The following AFF1 variants were observed in gnomAD, a reference collection of about 807,000 sequenced individuals.
AFF1 encodes ALF transcription elongation factor 1.
AFF1 carries 48 observed loss-of-function variants against 121.7 expected under a neutral mutation model. The observed-to-expected ratio is 0.39, with a 90% confidence interval of 0.31 to 0.50. The LOEUF is 0.50. AFF1 is among the 20% of genes least tolerant of loss of function. AFF1 has a pLI of 0.76. For missense variants in AFF1, 1,523 were observed against 1,511.7 expected (o/e 1.01, Z -0.12); for synonymous variants, 613 against 563.0 (o/e 1.09, Z -1.26).
chr4:87,038,161 G>A lies in AFF1; in HGVS notation c.39-8005G>A, dbSNP rs974581924. On this transcript the variant is annotated intron_variant, in intron 2 of 20. Transcript: ENST00000395146. ...ATATGAAATCAGATTGTAAGACTTT[G>A]TTTTAGGATTAAGTCTCTGATTACT... 4.3e-4 allele frequency among the ~76,000 whole-genome samples: 66 copies of A among 152,214 alleles called. No individual in the cohort carries two copies. The Middle Eastern group carries it at 0.014, about 31-fold the overall frequency.
chr4:87,011,164 A>G (rs930414290), intron 2 of AFF1, among the ~76,000 whole-genome samples: 1 of 151,566 alleles, frequency 6.6e-6, no homozygotes, highest in African/African-American at 2.4e-5. Flanking sequence ...GCAGGGGTGT[A>G]TGCATGGGAG....
chr4:87,020,847 TGGC>T, intron 2 of AFF1: 2 of 984,758 alleles, frequency 2.0e-6, no homozygotes, highest in Non-Finnish European at 2.4e-6. Flanking sequence ...TTGTCCTGTT[TGGC>T]AATATTAGTT....
At position 87,137,585 on chromosome 4, in the gene AFF1, G is replaced by A. The variant is rs1388251480; in HGVS notation, c.*1884G>A. 4.3e-6 allele frequency: 1 copy of A among 231,096 alleles called. No individual in the cohort carries two copies. The highest frequency in any genetic ancestry group is 8.6e-6 in the Non-Finnish European group (1 of 116,696). 14.3% of individuals were successfully genotyped at this position (231,096 alleles called of 1,614,324 possible). On this transcript the variant is annotated 3_prime_UTR_variant, in exon 21 of 21. Coordinates refer to ENST00000395146, the MANE Select transcript of AFF1 (RefSeq NM_001166693.3). The stretch of plus-strand genomic sequence containing the variant: ...CATAAGACCTTGATGTGTGATTCCT[G>A]ATGACCGGTTTCATTTATTCATGTT...
At chr4:87,108,120 T>G (rs968876569) in intron 10 of AFF1, 39 bp from the exon 11 acceptor site, 1 of 1,606,930 alleles carries the variant, frequency 6.2e-7, no homozygotes. Context: ...ATCCACCTTG[T>G]ATCGTGCCTT....
At chr4:87,051,510 G>T (rs532893991) in intron 4 of AFF1, among the ~76,000 whole-genome samples, 1 of 151,604 alleles carries the variant, frequency 6.6e-6, no homozygotes, top group Admixed American at 6.6e-5. Flanking sequence ...CGCCAGGCTG[G>T]AGTGCAATGG....
At chr4:87,080,017 A>G (rs554885523) in intron 4 of AFF1, among the ~76,000 whole-genome samples, 1 of 152,374 alleles carries the variant, frequency 6.6e-6, no homozygotes, top group South Asian at 2.1e-4. Flanking sequence ...GAAGTACAAA[A>G]TGCATTCAAT....
At chr4:86,996,944 C>G (rs978271326) in intron 2 of AFF1, among the ~76,000 whole-genome samples, 2 of 152,052 alleles carry the variant, frequency 1.3e-5, no homozygotes, top group Non-Finnish European at 1.5e-5. Context: ...GGGAGTCTTG[C>G]TCTGTTGCCC....
chr4:87,068,060 T>C (rs1721555977), intron 4 of AFF1, among the ~76,000 whole-genome samples: 1 of 110,254 alleles, frequency 9.1e-6, no homozygotes. Flanking sequence ...AATACTAAAG[T>C]GACTGTTATG....
chr4:87,019,070 C>T (rs1727627394), intron 2 of AFF1, among the ~76,000 whole-genome samples: 1 of 152,150 alleles, frequency 6.6e-6, no homozygotes, highest in African/African-American at 2.4e-5. Flanking sequence ...GAAAGATGGT[C>T]TCTATCTCTG....
At position 87,120,923 on chromosome 4, in the gene AFF1, G is replaced by A. The variant is rs74941256; in HGVS notation, c.2467-4114G>A. Among the ~76,000 whole-genome samples, 605 of 152,258 alleles carry A rather than the reference G, an allele frequency of 4.0e-3. 5 individuals are homozygous for A. The highest frequency in any genetic ancestry group is 0.014 in the African/African-American group (574 of 41,544). The stretch of plus-strand genomic sequence containing the variant: ...GCACGGCAGCGCAGCCTGCCGAGAG[G>A]CTTTCCCTGACGGAAACTGACTTGG... On this transcript the variant is annotated intron_variant, in intron 12 of 20. Coordinates refer to ENST00000395146, the MANE Select transcript of AFF1 (RefSeq NM_001166693.3).
chr4:87,100,280 C>T (rs914862017), intron 8 of AFF1, among the ~76,000 whole-genome samples: 5 of 152,124 alleles, frequency 3.3e-5, no homozygotes, highest in African/African-American at 9.7e-5. Flanking sequence ...CTTTCACAAG[C>T]ATATTAACAT....
intron 2 of AFF1, among the ~76,000 whole-genome samples, chr4:87,040,343 C>T (rs1005205371): frequency 2.0e-5 from 3 of 152,078 alleles, no homozygotes; most frequent in Non-Finnish European, 2.9e-5. Flanking sequence ...ACCCTGCTGG[C>T]GGAGATGATA....
At chr4:86,977,604 T>A (rs1034142686) in intron 2 of AFF1, among the ~76,000 whole-genome samples, 1 of 152,206 alleles carries the variant, frequency 6.6e-6, no homozygotes, top group Non-Finnish European at 1.5e-5. Context: ...TCACCTGTGT[T>A]CCCATGGTGT....
intron 11 of AFF1, among the ~76,000 whole-genome samples, chr4:87,109,995 C>G (rs2149755357): frequency 6.6e-6 from 1 of 152,266 alleles, no homozygotes; most frequent in African/African-American, 2.4e-5. Context: ...AACTACATCT[C>G]TTTCCTTTTA....
intron 2 of AFF1, among the ~76,000 whole-genome samples, chr4:87,030,093 T>C (rs1728918342): frequency 6.6e-6 from 1 of 152,148 alleles, no homozygotes; most frequent in South Asian, 2.1e-4. Flanking sequence ...CAAGAAGTTA[T>C]TTCAGAAGCA....
intron 2 of AFF1, chr4:87,020,849 G>A (rs1727826365): frequency 1.0e-6 from 1 of 984,252 alleles, no homozygotes; most frequent in African/African-American, 1.8e-5. Flanking sequence ...GTCCTGTTTG[G>A]CAATATTAGT....
At position 86,986,001 on chromosome 4, in the gene AFF1, T is replaced by C. The variant is rs1724229050; in HGVS notation, c.38+37430T>C. Among the ~76,000 whole-genome samples the C allele has an allele frequency of 2.6e-5, 4 of 151,112 alleles. No individual in the cohort carries two copies. The South Asian group carries it at 6.2e-4, about 24-fold the overall frequency. Reference sequence around the variant, plus strand: ...TAATGGGATGTCTTAAAGTGACTAATTAAACACCTGAATCCTTTTTTTAAA... The same window carrying C: ...TAATGGGATGTCTTAAAGTGACTAACTAAACACCTGAATCCTTTTTTTAAA... On this transcript the variant is annotated intron_variant, in intron 2 of 20. Coordinates refer to ENST00000395146, the MANE Select transcript of AFF1 (RefSeq NM_001166693.3).
chr4:86,955,278 C>T (rs1224390831), intron 2 of AFF1, among the ~76,000 whole-genome samples: 6 of 152,246 alleles, frequency 3.9e-5, no homozygotes, highest in Non-Finnish European at 8.8e-5. Context: ...AACTCAAATA[C>T]CACTTGAACA....
In AFF1 at chr4:86,974,378, G is replaced by T. The variant is rs574906665; in HGVS notation, c.38+25807G>T. Among the ~76,000 whole-genome samples the T allele has an allele frequency of 4.6e-5, 7 of 152,234 alleles. No individual in the cohort carries two copies. In the East Asian group the frequency reaches 5.8e-4, roughly 13 times the overall value. ...TTGGCCAGATTGGACTCTAACTCCT[G>T]ACCTCAGGATGCGCCTGCCTCGGTC... On this transcript the variant is annotated intron_variant, in intron 2 of 20. Transcript: ENST00000395146.
Sources: gnomAD v4.1 joint callset for allele counts (sites outside exome capture counted in the v4.1 genomes callset) on GRCh38, gnomAD v4.1.1 for gene constraint, MANE v1.5 for transcripts, NCBI Gene and HGNC (gene_info 2026-07-23, HGNC 2026-07-21) for gene names.